The following SNX30 variants were observed in gnomAD, a reference collection of about 807,000 sequenced individuals.
SNX30 encodes the protein sorting nexin-30.
A neutral mutation model predicts 46.4 loss-of-function variants in SNX30; 24 were observed. The ratio of observed to expected loss-of-function variants is 0.52; its 90% CI spans 0.37 to 0.73. The LOEUF (loss-of-function observed/expected upper bound fraction) is 0.73. Among genes scored for constraint, SNX30 ranks in the 30% least tolerant of loss-of-function variants. SNX30 has a pLI of 0.00. For synonymous variants in SNX30, 189 were observed against 211.5 expected, an observed-to-expected ratio of 0.89 and a Z score of 0.92; for missense variants, 533 against 555.7, an observed-to-expected ratio of 0.96 and a Z score of 0.41.
intron 1 of SNX30, among the ~76,000 whole-genome samples, chr9:112,757,994 T>C (rs372222157): frequency 6.6e-6 from 1 of 152,244 alleles, no homozygotes; most frequent in East Asian, 1.9e-4. Context: ...CACAGTGGCT[T>C]ATCTGAAACT....
chr9:112,764,696 G>A (rs1839505652), intron 1 of SNX30, among the ~76,000 whole-genome samples: 1 of 152,134 alleles, frequency 6.6e-6, no homozygotes, highest in African/African-American at 2.4e-5. Context: ...GGTTGGGGGA[G>A]GCAGTTTCAG....
intron 1 of SNX30, among the ~76,000 whole-genome samples, chr9:112,755,299 G>T (rs1265316141): frequency 6.6e-6 from 1 of 152,216 alleles, no homozygotes; most frequent in Non-Finnish European, 1.5e-5. Flanking sequence ...GACTGTCCGG[G>T]GAGGGACTGC....
chr9:112,823,274 C>G (rs142807610), intron 3 of SNX30, among the ~76,000 whole-genome samples: 214 of 152,318 alleles, frequency 1.4e-3, no homozygotes, highest in African/African-American at 4.8e-3. Flanking sequence ...ATGTATCCCC[C>G]TAGGATAAGG....
At chr9:112,750,229 G>A (rs1054330987), upstream of SNX30, among the ~76,000 whole-genome samples, 4 of 152,192 alleles carry the variant, frequency 2.6e-5, no homozygotes, top group African/African-American at 9.6e-5. Flanking sequence ...ACCTCAGAGT[G>A]AGCCTGAAGA....
chr9:112,791,399 CTTTT>C (rs386415930), intron 1 of SNX30, among the ~76,000 whole-genome samples: 41 of 67,458 alleles, frequency 6.1e-4, no homozygotes, highest in Non-Finnish European at 9.3e-4. Flanking sequence ...TATTTAGGAA[CTTTT>C]TTTTTTTTTT....
intron 1 of SNX30, among the ~76,000 whole-genome samples, chr9:112,771,287 A>T (rs1401980103): frequency 6.6e-6 from 1 of 152,198 alleles, no homozygotes; most frequent in Non-Finnish European, 1.5e-5. Context: ...GTGTATAAGG[A>T]TACCTGTTGC....
chr9:112,751,152 G>T lies in SNX30; in HGVS notation c.151G>T (p.Asp51Tyr). 1 of 1,516,650 alleles carries T rather than the reference G, an allele frequency of 6.6e-7. No homozygotes were observed. Among genetic ancestry groups the T allele is most frequent in the Non-Finnish European group, 8.8e-7 (1 of 1,138,346 alleles). The allele number at this position is 1,516,650 out of a possible 1,614,324, so 93.9% of individuals were successfully genotyped here. ...PDLLMARSFG[D>Y]KDLILPNGGT... ...CCTGCTGATGGCCCGCAGCTTCGGT[G>T]ACAAGGTGGGGCGCCTGGGGCCGGG... Residue 51 changes from aspartate to tyrosine, a missense_variant, in exon 1 of 9, where the codon GAC becomes TAC. By Grantham distance (160) the Asp-to-Tyr change is radical. Coordinates refer to ENST00000374232, the MANE Select transcript of SNX30 (RefSeq NM_001012994.2).
intron 8 of SNX30, among the ~76,000 whole-genome samples, chr9:112,867,141 A>G (rs1841367366): frequency 7.1e-6 from 1 of 140,374 alleles, no homozygotes; most frequent in Admixed American, 7.1e-5. Context: ...ACCCCCTCGG[A>G]ACTCCTCCTA....
rs1588146282 is a variant in SNX30, at chr9:112,873,025, A to G, written c.*4182A>G. On this transcript the variant is annotated 3_prime_UTR_variant, in exon 9 of 9. Transcript: ENST00000374232. ...AGATTGTCAGCTTTTTGTTTGAGAG[A>G]TGCCTGGTCTCACAGTTACATGTAT... The G allele has an allele frequency of 6.6e-6, 1 of 152,266 alleles. No homozygotes were observed. The highest frequency in any genetic ancestry group is 1.9e-4 in the East Asian group (1 of 5,178). 9.4% of individuals were successfully genotyped at this position (152,266 alleles called of 1,614,324 possible).
intron 1 of SNX30, among the ~76,000 whole-genome samples, chr9:112,771,979 G>C (rs1015259446): frequency 6.6e-6 from 1 of 152,126 alleles, no homozygotes; most frequent in Non-Finnish European, 1.5e-5. Flanking sequence ...CCTGGTTCAA[G>C]TCATGGAGCA....
intron 7 of SNX30, among the ~76,000 whole-genome samples, chr9:112,856,488 G>A (rs1478590733): frequency 2.6e-5 from 4 of 151,708 alleles, no homozygotes; most frequent in Non-Finnish European, 5.9e-5. Flanking sequence ...TGGGGCATTG[G>A]TGTGGGAAGT....
intron 1 of SNX30, among the ~76,000 whole-genome samples, chr9:112,767,605 T>C (rs1839565794): frequency 6.6e-6 from 1 of 150,662 alleles, no homozygotes; most frequent in African/African-American, 2.4e-5. Context: ...TTTTTACTTT[T>C]TTGAGACAGA....
chr9:112,769,326 G>A (rs1172549597), intron 1 of SNX30, among the ~76,000 whole-genome samples: 3 of 152,152 alleles, frequency 2.0e-5, no homozygotes, highest in African/African-American at 7.2e-5. Context: ...GTGCTTGGCC[G>A]CATAGCATCC....
In SNX30 at chr9:112,808,736, G is replaced by T. The variant is rs957591625; in HGVS notation, c.348+3769G>T. On this transcript the variant is annotated intron_variant, in intron 2 of 8. Coordinates refer to ENST00000374232, the MANE Select transcript of SNX30 (RefSeq NM_001012994.2). ...CCAGTTTTACAAAAACGAGTATTTT[G>T]TATACTGCCAATTCACTTAATACAT... 5.9e-5 allele frequency among the ~76,000 whole-genome samples: 9 copies of T among 152,122 alleles called. No homozygotes were observed. In the East Asian group the frequency reaches 1.5e-3, roughly 26 times the overall value.
chr9:112,832,115 G>T (rs1840668317), intron 4 of SNX30, among the ~76,000 whole-genome samples: 1 of 152,138 alleles, frequency 6.6e-6, no homozygotes, highest in Non-Finnish European at 1.5e-5. Flanking sequence ...TATAACCTCA[G>T]TTGGCATTGA....
downstream of SNX30, among the ~76,000 whole-genome samples, chr9:112,884,128 CAA>C (rs1037433929): frequency 4.6e-5 from 7 of 152,210 alleles, no homozygotes; most frequent in Admixed American, 2.0e-4. Context: ...AAAGAGCAAA[CAA>C]GAGAGGGCAA....
At chr9:112,877,867 A>G (rs1449892514), downstream of SNX30, 5 of 152,048 alleles carry the variant, frequency 3.3e-5, no homozygotes, top group Admixed American at 2.0e-4. Flanking sequence ...ATAGGTGCAC[A>G]CCACCATACC....
At chr9:112,842,622 A>G (rs967274887) in intron 6 of SNX30, among the ~76,000 whole-genome samples, 1 of 152,228 alleles carries the variant, frequency 6.6e-6, no homozygotes, top group Non-Finnish European at 1.5e-5. Context: ...CCACAGGACT[A>G]TACTCCTTAG....
intron 7 of SNX30, among the ~76,000 whole-genome samples, chr9:112,859,673 G>T (rs1436751713): frequency 6.6e-6 from 1 of 151,946 alleles, no homozygotes; most frequent in East Asian, 1.9e-4. Context: ...GTGCAGTGGC[G>T]TGATCTTGGC....
Sources: allele counts gnomAD v4.1 joint callset (sites outside exome capture counted in the v4.1 genomes callset), GRCh38; gene constraint gnomAD v4.1.1; transcripts MANE v1.5; gene names NCBI Gene and HGNC (gene_info 2026-07-23, HGNC 2026-07-21).